The following MCC variants were observed in gnomAD, a reference collection of about 807,000 sequenced individuals.
MCC encodes MCC regulator of Wnt signaling pathway.
Under a neutral mutation model 116.2 loss-of-function variants are expected in MCC, and 90 were observed. The observed-to-expected ratio is 0.77, with a 90% CI of 0.65 to 0.92. The LOEUF is 0.92. MCC is among the 40% of genes least tolerant of loss of function. The probability of loss-of-function intolerance (pLI) is 0.00; values close to 1 mark genes in which losing one functional copy is unlikely to be tolerated. For missense variants in MCC, 1,516 were observed against 1,312.2 expected (o/e 1.16, Z -2.40); for synonymous variants, 578 against 510.5 (o/e 1.13, Z -1.78).
At chr5:113,187,446 C>G (rs540028574) in intron 3 of MCC, among the ~76,000 whole-genome samples, 1 of 152,270 alleles carries the variant, frequency 6.6e-6, no homozygotes, top group Non-Finnish European at 1.5e-5. Flanking sequence ...GCTAAAAGCA[C>G]TGTCAACTCA....
chr5:113,393,086 G>A (rs1035857512), intron 1 of MCC, among the ~76,000 whole-genome samples: 1 of 152,076 alleles, frequency 6.6e-6, no homozygotes, highest in African/African-American at 2.4e-5. Flanking sequence ...ACATAGGCAA[G>A]TAATAAAAAC....
At chr5:113,083,669 C>G (rs761068683) in intron 10 of MCC, among the ~76,000 whole-genome samples, 1 of 152,196 alleles carries the variant, frequency 6.6e-6, no homozygotes, top group Non-Finnish European at 1.5e-5. Flanking sequence ...AGGTTCTGGT[C>G]TTTCCCACCA....
chr5:113,471,774 G>A (rs1052733361), intron 1 of MCC, among the ~76,000 whole-genome samples: 4 of 56,674 alleles, frequency 7.1e-5, no homozygotes, highest in African/African-American at 2.3e-4. Flanking sequence ...AGAGAGGCAG[G>A]CAGGCCTCCT....
intron 11 of MCC, among the ~76,000 whole-genome samples, chr5:113,078,840 A>G (rs1314969490): frequency 6.6e-6 from 1 of 152,216 alleles, no homozygotes; most frequent in Non-Finnish European, 1.5e-5. Context: ...AATAAAGGGT[A>G]TTCAATTAGG....
At chr5:113,219,911 G>A (rs1763473618) in intron 3 of MCC, among the ~76,000 whole-genome samples, 1 of 151,718 alleles carries the variant, frequency 6.6e-6, no homozygotes, top group Non-Finnish European at 1.5e-5. Flanking sequence ...AAATAAATGT[G>A]ACTCACAACA....
At chr5:113,459,192 G>T (rs113877116) in intron 1 of MCC, among the ~76,000 whole-genome samples, 2,167 of 147,844 alleles carry the variant, frequency 0.015, 17 homozygotes, top group Non-Finnish European at 0.024. Context: ...GTGGGTGGGG[G>T]GGGGAGAGAG....
chr5:113,107,133 C>G (rs547930118), intron 6 of MCC, among the ~76,000 whole-genome samples: 29 of 151,426 alleles, frequency 1.9e-4, no homozygotes, highest in Non-Finnish European at 4.1e-4. Flanking sequence ...TTTAAATAGG[C>G]AAAGAGAAAC....
intron 2 of MCC, among the ~76,000 whole-genome samples, chr5:113,373,812 C>T (rs146610249): frequency 1.1e-3 from 162 of 152,268 alleles, no homozygotes; most frequent in African/African-American, 3.6e-3. Flanking sequence ...AAAAGCTACC[C>T]GTGCATAATC....
At chr5:113,454,568 T>C (rs565652340) in intron 1 of MCC, among the ~76,000 whole-genome samples, 8 of 152,188 alleles carry the variant, frequency 5.3e-5, no homozygotes, top group Non-Finnish European at 1.0e-4. Context: ...ATCTTAACAA[T>C]GTTAACAGAC....
At chr5:113,125,861 A>T (rs1758019558) in intron 5 of MCC, among the ~76,000 whole-genome samples, 1 of 152,196 alleles carries the variant, frequency 6.6e-6, no homozygotes, top group Non-Finnish European at 1.5e-5. Flanking sequence ...TCAAGCAATA[A>T]CTTATTTCTT....
chr5:113,402,187 C>G (rs182389751), intron 1 of MCC, among the ~76,000 whole-genome samples: 2 of 150,020 alleles, frequency 1.3e-5, no homozygotes, highest in Non-Finnish European at 3.0e-5. Context: ...CCAGCTACTC[C>G]GGAGGCTGAG....
chr5:113,378,619 A>C (rs1368805851), intron 2 of MCC, among the ~76,000 whole-genome samples: 1 of 152,210 alleles, frequency 6.6e-6, no homozygotes, highest in East Asian at 1.9e-4. Flanking sequence ...AGCTCTGAGA[A>C]GCACAGACAG....
intron 8 of MCC, among the ~76,000 whole-genome samples, chr5:113,086,773 CT>C (rs1755226138): frequency 6.6e-6 from 1 of 152,238 alleles, no homozygotes; most frequent in Admixed American, 6.5e-5. Flanking sequence ...GGACATCAGA[CT>C]TTGTCGGGCT....
At chr5:113,443,569 A>C (rs1347920976) in intron 1 of MCC, among the ~76,000 whole-genome samples, 1 of 152,056 alleles carries the variant, frequency 6.6e-6, no homozygotes, top group East Asian at 1.9e-4. Context: ...TCCTTGTCTT[A>C]TGCCGGTTTT....
intron 4 of MCC, among the ~76,000 whole-genome samples, chr5:113,145,212 G>A (rs1468187222): frequency 2.6e-5 from 4 of 152,136 alleles, no homozygotes; most frequent in South Asian, 2.1e-4. Context: ...GAGTGTGTGC[G>A]TGTGTTCATG....
chr5:113,226,218 G>A (rs1763729834), intron 3 of MCC, among the ~76,000 whole-genome samples: 1 of 152,146 alleles, frequency 6.6e-6, no homozygotes, highest in African/African-American at 2.4e-5. Context: ...GCTAACACAA[G>A]AAACCTTTCT....
rs1189402090 is a variant in MCC at position 113,327,545 on chromosome 5, CAA to C, written c.627+12972_627+12973del. Among the ~76,000 whole-genome samples the C allele has an allele frequency of 4.4e-3, 252 of 57,186 alleles. 2 individuals carry two copies. The highest frequency in any genetic ancestry group is 0.015 in the African/African-American group (161 of 10,750). The allele number at this position is 57,186 out of a possible 152,430, so 37.5% of individuals were successfully genotyped here. A position where few individuals can be genotyped will look rare whatever the true frequency, so the allele number is the denominator to read the frequency against. ...TGGGTGACAGAGTAAGACTCAGTCT[CAA>C]AAAAAAAAAAAAAAATATATATATA... is the stretch of plus-strand genomic sequence containing the variant. On this transcript the variant is annotated intron_variant, in intron 3 of 18. Transcript: ENST00000408903.
chr5:113,295,708 A>G (rs1006139621), intron 3 of MCC, among the ~76,000 whole-genome samples: 5 of 152,194 alleles, frequency 3.3e-5, no homozygotes, highest in Admixed American at 2.0e-4. Flanking sequence ...TCCTGTGTCT[A>G]TTGGGAGAGA....
At chr5:113,202,531 C>A (rs1762728200) in intron 3 of MCC, among the ~76,000 whole-genome samples, 1 of 152,130 alleles carries the variant, frequency 6.6e-6, no homozygotes, top group Admixed American at 6.5e-5. Context: ...TGGACATGTT[C>A]ATTTATTAGC....
Sources: gnomAD v4.1 joint callset for allele counts (sites outside exome capture counted in the v4.1 genomes callset) on GRCh38, gnomAD v4.1.1 for gene constraint, MANE v1.5 for transcripts, NCBI Gene and HGNC (gene_info 2026-07-23, HGNC 2026-07-21) for gene names.